The following TSNARE1 variants were observed in gnomAD, a reference collection of about 807,000 sequenced individuals.
TSNARE1 encodes the protein t-SNARE domain-containing protein 1.
Under a neutral mutation model 62.0 loss-of-function variants are expected in TSNARE1, and 49 were observed. That is an observed-to-expected ratio of 0.79 (90% CI 0.63 to 1.00). TSNARE1 has a LOEUF of 1.00. Ranked by LOEUF, TSNARE1 falls within the 50% of genes least tolerant of loss-of-function variation. TSNARE1 has a pLI of 0.00. For synonymous variants in TSNARE1, 328 were observed against 294.4 expected (o/e 1.11, Z -1.17); for missense variants, 755 against 700.1 (o/e 1.08, Z -0.88).
chr8:142,341,679 C>CGTCAGT (rs1832608218), intron 4 of TSNARE1, among the ~76,000 whole-genome samples: 1 of 152,216 alleles, frequency 6.6e-6, no homozygotes, highest in Admixed American at 6.5e-5. Context: ...AGGTCACCCC[C>CGTCAGT]GTCAGTGTCA....
intron 2 of TSNARE1, among the ~76,000 whole-genome samples, chr8:142,348,105 G>C (rs1025801601): frequency 1.3e-5 from 2 of 152,196 alleles, no homozygotes; most frequent in Non-Finnish European, 2.9e-5. Context: ...TGTAAATGCA[G>C]ACAGTTATAA....
chr8:142,307,595 G>A (rs1442992530), intron 9 of TSNARE1, among the ~76,000 whole-genome samples: 2 of 152,106 alleles, frequency 1.3e-5, no homozygotes, highest in African/African-American at 4.8e-5. Context: ...TTGTTCTGCC[G>A]TATTGTTTTG....
intron 10 of TSNARE1, among the ~76,000 whole-genome samples, chr8:142,296,366 A>G (rs1366455811): frequency 1.0e-3 from 39 of 38,922 alleles, no homozygotes; most frequent in Non-Finnish European, 1.2e-3. Flanking sequence ...TCATGGGGGA[A>G]GGGTGGTCAC....
chr8:142,267,670 C>G (rs745948358), intron 12 of TSNARE1, among the ~76,000 whole-genome samples: 2 of 152,206 alleles, frequency 1.3e-5, no homozygotes, highest in Non-Finnish European at 2.9e-5. Context: ...CCACTCCCCC[C>G]GGCCTCTTTC....
At chr8:142,358,931 C>T (rs1041590345) in intron 1 of TSNARE1, among the ~76,000 whole-genome samples, 2 of 152,068 alleles carry the variant, frequency 1.3e-5, no homozygotes, top group Non-Finnish European at 2.9e-5. Context: ...CTGCCCCAGC[C>T]CACAGTGGCC....
Position 142,252,002 on chromosome 8 carries a change from G to A in TSNARE1, c.1447-22423C>T, listed in dbSNP as rs1282324403. On this transcript the variant is annotated intron_variant, in intron 12 of 13. Coordinates refer to ENST00000524325, the MANE Select transcript of TSNARE1 (RefSeq NM_145003.5). ...CGGGCACCATGTACCCGCCACTCGC[G>A]TTCTCTATCTGCAGGGCCCGGGCAC... Among the ~76,000 whole-genome samples, 17 of 132,404 alleles carry A rather than the reference G, an allele frequency of 1.3e-4. No individual in the cohort carries two copies. In the South Asian group the frequency reaches 1.3e-3, roughly 10 times the overall value. The allele number at this position is 132,404 out of a possible 152,430, so 86.9% of individuals were successfully genotyped here. A position where few individuals can be genotyped will look rare whatever the true frequency, so the allele number is the denominator to read the frequency against.
chr8:142,271,924 C>T (rs1182743071), intron 12 of TSNARE1, among the ~76,000 whole-genome samples: 1 of 152,008 alleles, frequency 6.6e-6, no homozygotes, highest in Non-Finnish European at 1.5e-5. Context: ...ACAGCCTGTC[C>T]AAATGCAAAG....
Position 142,222,549 on chromosome 8 carries a change from CACT to C in TSNARE1, c.*11+6921_*11+6923del, listed in dbSNP as rs1446821159. On this transcript the variant is annotated intron_variant, in intron 13 of 13. Transcript: ENST00000524325. ...CCACTCACTCACTCACTCATTCACT[CACT>C]CACTCACTCATTCACTCACTCAGCC... is the stretch of plus-strand genomic sequence containing the variant. Among the ~76,000 whole-genome samples the C allele has an allele frequency of 1.5e-5, 2 of 134,366 alleles. 1 individual carries two copies. The highest frequency in any genetic ancestry group is 3.3e-5 in the Non-Finnish European group (2 of 61,526). The allele number at this position is 134,366 out of a possible 152,430, so 88.1% of individuals were successfully genotyped here.
chr8:142,222,015 A>ACTCACTCCTTCACTCG (rs1816286755), intron 13 of TSNARE1, among the ~76,000 whole-genome samples: 1 of 141,322 alleles, frequency 7.1e-6, no homozygotes, highest in African/African-American at 3.0e-5. Context: ...TCACTCACTC[A>ACTCACTCCTTCACTCG]CTCACTCATC....
intron 10 of TSNARE1, among the ~76,000 whole-genome samples, chr8:142,294,453 G>A (rs1824345941): frequency 6.6e-6 from 1 of 152,214 alleles, no homozygotes; most frequent in South Asian, 2.1e-4. Context: ...AGGAGTCGGA[G>A]ACCAGGGCTC....
intron 9 of TSNARE1, among the ~76,000 whole-genome samples, chr8:142,301,057 C>T (rs1159359619): frequency 6.6e-6 from 1 of 152,076 alleles, no homozygotes; most frequent in East Asian, 1.9e-4. Context: ...CACAGCCCTT[C>T]CTCCCCTCCC....
chr8:142,310,632 C>A (rs763979349), intron 9 of TSNARE1, among the ~76,000 whole-genome samples: 22 of 152,174 alleles, frequency 1.4e-4, no homozygotes, highest in African/African-American at 4.8e-4. Flanking sequence ...TTTTCTCATG[C>A]GTTTTGAAGG....
chr8:142,247,837 G>A (rs1817963641), intron 12 of TSNARE1: 1 of 152,466 alleles, frequency 6.6e-6, no homozygotes, highest in Non-Finnish European at 1.5e-5. Flanking sequence ...CCAAGTAGCT[G>A]GGATTACAGG....
intron 10 of TSNARE1, among the ~76,000 whole-genome samples, chr8:142,296,482 C>G (rs1235214759): frequency 6.7e-6 from 1 of 148,966 alleles, no homozygotes; most frequent in Non-Finnish European, 1.5e-5. Context: ...GGGGGAAGGG[C>G]AGTCACTGTC....
chr8:142,227,018 A>G (rs75605005), intron 13 of TSNARE1, among the ~76,000 whole-genome samples: 35,769 of 71,384 alleles, frequency 0.5, 6,215 homozygotes, highest in Non-Finnish European at 0.56. Context: ...GTGACAGCCA[A>G]GCCCCCCACT....
At chr8:142,268,927 C>CT (rs775161936) in intron 12 of TSNARE1, among the ~76,000 whole-genome samples, 54 of 152,376 alleles carry the variant, frequency 3.5e-4, no homozygotes, top group Non-Finnish European at 6.3e-4. Context: ...CCTATCTACT[C>CT]TAAGACACCC....
At chr8:142,323,258 T>C (rs1307216340) in intron 6 of TSNARE1, among the ~76,000 whole-genome samples, 1 of 152,144 alleles carries the variant, frequency 6.6e-6, no homozygotes. Flanking sequence ...GACAAACTGA[T>C]TCTAAAATGT....
At chr8:142,277,398 C>T (rs1396201470) in intron 11 of TSNARE1, 1 of 985,310 alleles carries the variant, frequency 1.0e-6, no homozygotes, top group Admixed American at 6.1e-5. Flanking sequence ...GGAGACCCCC[C>T]TGCACTGGGT....
At chr8:142,269,965 G>T (rs1174619804) in intron 12 of TSNARE1, 3 of 985,350 alleles carry the variant, frequency 3.0e-6, no homozygotes, top group Non-Finnish European at 3.6e-6. Flanking sequence ...GGATGCTGTA[G>T]TCTTTTGACT....
Sources: allele counts gnomAD v4.1 joint callset (sites outside exome capture counted in the v4.1 genomes callset), GRCh38; gene constraint gnomAD v4.1.1; transcripts MANE v1.5; gene names NCBI Gene and HGNC (gene_info 2026-07-23, HGNC 2026-07-21).